TMEM260: variants seen among roughly 807,000 people sequenced by gnomAD.
TMEM260 encodes protein O-mannosyl-transferase TMEM260.
Under a neutral mutation model 88.9 loss-of-function variants are expected in TMEM260, and 82 were observed. The observed-to-expected ratio is 0.92, with a 90% confidence interval of 0.77 to 1.11. TMEM260 has a LOEUF of 1.11. Among genes scored for constraint, TMEM260 ranks in the 50% least tolerant of loss-of-function variants. TMEM260 has a pLI of 0.00. For synonymous variants in TMEM260, 314 were observed against 309.3 expected (o/e 1.02, Z -0.16); for missense variants, 902 against 853.4 (o/e 1.06, Z -0.71).
At chr14:56,655,065 C>G (rs1475518), downstream of TMEM260, among the ~76,000 whole-genome samples, 96,916 of 151,986 alleles carry the variant, frequency 0.64, 34,129 homozygotes, top group Non-Finnish European at 0.79. Flanking sequence ...ATTGCTTCAC[C>G]TAAATTTCCT....
At chr14:56,586,767 T>A (rs1885532316) in intron 3 of TMEM260, among the ~76,000 whole-genome samples, 1 of 152,082 alleles carries the variant, frequency 6.6e-6, no homozygotes, top group African/African-American at 2.4e-5. Flanking sequence ...ATATTTTTAT[T>A]TGTGTCAAAG....
intron 10 of TMEM260, among the ~76,000 whole-genome samples, chr14:56,619,680 C>CT (rs1387057608): frequency 6.6e-6 from 1 of 152,118 alleles, no homozygotes; most frequent in Non-Finnish European, 1.5e-5. Flanking sequence ...TGGAATTTTG[C>CT]TATAGTGAGA....
chr14:56,645,109 A>G (rs532693221), intron 15 of TMEM260, among the ~76,000 whole-genome samples: 55 of 150,906 alleles, frequency 3.6e-4, no homozygotes, highest in African/African-American at 1.2e-3. Flanking sequence ...ATCTAGAACT[A>G]GAAATACCAT....
intron 14 of TMEM260, 151 bp downstream of exon 14, chr14:56,635,103 T>TG: frequency 3.0e-6 from 2 of 658,026 alleles, no homozygotes; most frequent in Non-Finnish European, 5.3e-6. Context: ...GTACTAATCA[T>TG]TATACATGAA....
rs139347617 is a variant in TMEM260, at chr14:56,634,950, G to A, written c.1776G>A (p.Ala592=). 33 of 1,613,984 alleles carry A rather than the reference G, an allele frequency of 2.0e-5. No individual in the cohort carries two copies. Among genetic ancestry groups the A allele is most frequent in the Middle Eastern group, 1.6e-4 (1 of 6,062 alleles). Reference sequence around the variant, plus strand: ...TGGCCAATGAAGAAATGTGGCAAGCGAGGTGACTATTCTACATTTTTGTGT... The same window carrying A: ...TGGCCAATGAAGAAATGTGGCAAGCAAGGTGACTATTCTACATTTTTGTGT... ...ESVANEEMWQ[A]RMKTPFFIFN... is the part of the protein sequence containing the mutation. Residue 592 remains alanine (A), a splice_region_variant and synonymous_variant, in exon 14 of 16, where the codon GCG becomes GCA. Transcript: ENST00000261556.
At chr14:56,627,729 A>G (rs531976654) in intron 12 of TMEM260, among the ~76,000 whole-genome samples, 12 of 152,376 alleles carry the variant, frequency 7.9e-5, no homozygotes, top group African/African-American at 2.9e-4. Flanking sequence ...GAAGCTAGCT[A>G]ATGTTTAGTG....
At chr14:56,635,061 G>A in intron 14 of TMEM260, 109 bp downstream of exon 14, 3 of 899,112 alleles carry the variant, frequency 3.3e-6, no homozygotes, top group East Asian at 2.4e-5. Flanking sequence ...AATAAAAATA[G>A]CATTTATGAG....
chr14:56,617,174 T>G lies in TMEM260; in HGVS notation c.942-9T>G. 1.3e-6 allele frequency: 2 copies of G among 1,512,236 alleles called. No individual in the cohort carries two copies. Among genetic ancestry groups the G allele is most frequent in the Non-Finnish European group, 1.8e-6 (2 of 1,115,372 alleles). The allele number at this position is 1,512,236 out of a possible 1,614,324, so 93.7% of individuals were successfully genotyped here. On this transcript the variant is annotated splice_polypyrimidine_tract_variant and intron_variant, in intron 8 of 15. Coordinates refer to ENST00000261556, the MANE Select transcript of TMEM260 (RefSeq NM_017799.4). ...AATATTTTAGACATATTTTTATTAT[T>G]TTTTGTAGGGACAGACAGAATCCAT... is the stretch of plus-strand genomic sequence containing the variant.
chr14:56,600,282 C>T (rs539810826), intron 3 of TMEM260, among the ~76,000 whole-genome samples: 7 of 152,176 alleles, frequency 4.6e-5, no homozygotes, highest in Admixed American at 1.3e-4. Context: ...TTCTGTTTTG[C>T]GCAAGACTAG....
intron 3 of TMEM260, among the ~76,000 whole-genome samples, chr14:56,596,895 G>T (rs759251324): frequency 2.7e-5 from 4 of 150,162 alleles, no homozygotes; most frequent in Non-Finnish European, 5.9e-5. Context: ...TTATATAGAA[G>T]ATTTTAAGTT....
intron 15 of TMEM260, among the ~76,000 whole-genome samples, chr14:56,638,759 TCATA>T (rs1326052575): frequency 1.3e-5 from 2 of 152,130 alleles, no homozygotes; most frequent in African/African-American, 2.4e-5. Context: ...ACTCAATAGC[TCATA>T]CAGAATATTA....
rs144727961 is a variant in TMEM260 at position 56,585,845 on chromosome 14, C to A, written c.277C>A (p.Arg93Ser). ...GTTTCCTTTTGGTTCAATTGCCTAC[C>A]GCGTCAATCTTCTCTGTGGCTTATT... is the stretch of plus-strand genomic sequence containing the variant. ...TLFPFGSIAY[R>S]VNLLCGLFGA... The change falls in exon 3 of 16, where the codon CGC (arginine) becomes AGC (serine). Residue 93 changes from arginine (R) to serine (S), a missense_variant. Coordinates refer to ENST00000261556, the MANE Select transcript of TMEM260 (RefSeq NM_017799.4). The A allele has an allele frequency of 6.2e-7, 1 of 1,613,388 alleles. No individual in the cohort carries two copies. The highest frequency in any genetic ancestry group is 8.5e-7 in the Non-Finnish European group (1 of 1,179,688).
At chr14:56,626,925 AC>A (rs1309343145) in intron 12 of TMEM260, among the ~76,000 whole-genome samples, 1 of 152,174 alleles carries the variant, frequency 6.6e-6, no homozygotes, top group Non-Finnish European at 1.5e-5. Flanking sequence ...TATTTTTAAA[AC>A]ATACACATAT....
the TMEM260 span, among the ~76,000 whole-genome samples, chr14:56,656,985 C>T: frequency 6.6e-6 from 1 of 152,186 alleles, no homozygotes; most frequent in Non-Finnish European, 1.5e-5. Context: ...TTCCCCAAAC[C>T]ATGGCCCACC....
At chr14:56,631,246 C>T (rs1888571856) in intron 12 of TMEM260, among the ~76,000 whole-genome samples, 1 of 152,222 alleles carries the variant, frequency 6.6e-6, no homozygotes, top group Non-Finnish European at 1.5e-5. Flanking sequence ...CTTCTAGGGT[C>T]TTGCATTCCC....
chr14:56,634,808 T>C (rs1409510933), intron 13 of TMEM260, 91 bp from the exon 14 acceptor site: 14 of 1,163,888 alleles, frequency 1.2e-5, no homozygotes, highest in Non-Finnish European at 1.7e-5. Flanking sequence ...CACCATTGCA[T>C]TCCAGCCTGG....
Position 56,585,758 on chromosome 14 carries a change from T to C in TMEM260, c.193-3T>C. 6.2e-7 allele frequency: 1 copy of C among 1,611,072 alleles called. No homozygotes were observed. The highest frequency in any genetic ancestry group is 1.1e-5 in the South Asian group (1 of 90,504). ...CTTCTAACTGTTGCTAATTTTTCCG[T>C]AGGTTGCCCATCCTCCTGGCTATCC... On this transcript the variant is annotated splice_polypyrimidine_tract_variant and splice_region_variant and intron_variant, in intron 2 of 15. Transcript: ENST00000261556.
chr14:56,591,788 T>C (rs1406634115), intron 3 of TMEM260, among the ~76,000 whole-genome samples: 1 of 152,230 alleles, frequency 6.6e-6, no homozygotes, highest in Non-Finnish European at 1.5e-5. Flanking sequence ...AAATTGCGGT[T>C]GTTCCTATAA....
chr14:56,651,028 G>C (rs1324827187), downstream of TMEM260, among the ~76,000 whole-genome samples: 1 of 152,192 alleles, frequency 6.6e-6, no homozygotes, highest in Non-Finnish European at 1.5e-5. Flanking sequence ...TTCACATTTT[G>C]TTGTGAATGC....
Sources: gnomAD v4.1 joint callset for allele counts (sites outside exome capture counted in the v4.1 genomes callset) on GRCh38, gnomAD v4.1.1 for gene constraint, MANE v1.5 for transcripts, NCBI Gene and HGNC (gene_info 2026-07-23, HGNC 2026-07-21) for gene names.